Variants in SLC22A23 observed in about 807,000 individuals in gnomAD.
SLC22A23 encodes solute carrier family 22 member 23, also known as ion transporter protein.
A neutral mutation model predicts 61.0 loss-of-function variants in SLC22A23; 26 were observed. The observed-to-expected ratio is 0.43, with a 90% confidence interval of 0.31 to 0.59. The LOEUF (loss-of-function observed/expected upper bound fraction) is 0.59. Among genes scored for constraint, SLC22A23 ranks in the 20% least tolerant of loss-of-function variants. SLC22A23 has a pLI of 0.11. For missense variants in SLC22A23, 796 were observed against 934.7 expected, an observed-to-expected ratio of 0.85 and a Z score of 1.94; for synonymous variants, 430 against 413.9, an observed-to-expected ratio of 1.04 and a Z score of -0.47.
intron 3 of SLC22A23, among the ~76,000 whole-genome samples, chr6:3,357,327 C>T (rs1355949834): frequency 6.6e-6 from 1 of 152,202 alleles, no homozygotes; most frequent in South Asian, 2.1e-4. Context: ...ATTATCCAGA[C>T]AGCTTTCCTA....
chr6:3,450,557 G>A (rs1413241086), intron 1 of SLC22A23, among the ~76,000 whole-genome samples: 6 of 152,318 alleles, frequency 3.9e-5, no homozygotes, highest in Admixed American at 3.3e-4. Flanking sequence ...CGCCCGCCTC[G>A]GCCTCCCAAA....
At chr6:3,431,815 G>C (rs893411163) in intron 1 of SLC22A23, among the ~76,000 whole-genome samples, 8 of 152,184 alleles carry the variant, frequency 5.3e-5, no homozygotes, top group African/African-American at 1.9e-4. Context: ...GGACCACAAA[G>C]ACCGCCATTT....
At chr6:3,444,943 C>T in intron 1 of SLC22A23, 1 of 985,538 alleles carries the variant, frequency 1.0e-6, no homozygotes, top group Non-Finnish European at 1.2e-6. Flanking sequence ...TCAGACGACT[C>T]ATCCCGGTCG....
intron 4 of SLC22A23, among the ~76,000 whole-genome samples, chr6:3,319,435 C>G (rs1352267383): frequency 6.6e-6 from 1 of 152,184 alleles, no homozygotes; most frequent in Non-Finnish European, 1.5e-5. Flanking sequence ...CTACTTGGTA[C>G]GTAGCACTAT....
In SLC22A23 at chr6:3,340,102, C is replaced by T. The variant is rs55733276; in HGVS notation, c.914-16100G>A. Among the ~76,000 whole-genome samples the T allele has an allele frequency of 9.7e-3, 1,483 of 152,210 alleles. 29 individuals carry two copies. Among genetic ancestry groups the T allele is most frequent in the African/African-American group, 0.034 (1,423 of 41,514 alleles). ...GGGAGGTGCTTCCTAGCCCAGAGAG[C>T]GCTCCCACAAAAGCGGTATTATCCA... On this transcript the variant is annotated intron_variant, in intron 3 of 9. Transcript: ENST00000406686.
intron 3 of SLC22A23, among the ~76,000 whole-genome samples, chr6:3,340,345 C>T (rs1174865972): frequency 1.3e-5 from 2 of 152,214 alleles, no homozygotes; most frequent in Non-Finnish European, 2.9e-5. Context: ...GTCACATTCT[C>T]TCTAGGGCCT....
At chr6:3,310,159 A>G (rs1762267245) in intron 4 of SLC22A23, among the ~76,000 whole-genome samples, 3 of 152,010 alleles carry the variant, frequency 2.0e-5, no homozygotes, top group Admixed American at 2.0e-4. Flanking sequence ...TGTTTTCTTA[A>G]TACCATCACA....
intron 3 of SLC22A23, among the ~76,000 whole-genome samples, chr6:3,337,727 C>T (rs1763937170): frequency 6.6e-6 from 1 of 152,160 alleles, no homozygotes; most frequent in Non-Finnish European, 1.5e-5. Context: ...ACAGGCTGGG[C>T]TCGGCCTTGG....
intron 1 of SLC22A23, among the ~76,000 whole-genome samples, chr6:3,417,271 G>C (rs1010928343): frequency 6.6e-6 from 1 of 152,180 alleles, no homozygotes; most frequent in South Asian, 2.1e-4. Flanking sequence ...ACACAGGTAT[G>C]CTTTCCAGAG....
chr6:3,310,474 C>T (rs1299371709), intron 4 of SLC22A23, among the ~76,000 whole-genome samples: 1 of 150,952 alleles, frequency 6.6e-6, no homozygotes, highest in Non-Finnish European at 1.5e-5. Flanking sequence ...CGCAGGGTAA[C>T]TGATGATTTA....
rs1344852307 is a variant in SLC22A23, at chr6:3,280,683, G to C, written c.1703+3169C>G. Among the ~76,000 whole-genome samples, 11 of 151,762 alleles carry C rather than the reference G, an allele frequency of 7.2e-5. No individual in the cohort carries two copies. In the East Asian group the frequency reaches 1.9e-3, roughly 27 times the overall value. ...GCTAATTTTTTTTGTATTTTTAGTA[G>C]AGACGGGGTTTCATCGTGTTAGCCA... On this transcript the variant is annotated intron_variant, in intron 9 of 9. Coordinates refer to ENST00000406686, the MANE Select transcript of SLC22A23 (RefSeq NM_015482.2).
At chr6:3,389,794 G>A (rs2127485355) in intron 3 of SLC22A23, among the ~76,000 whole-genome samples, 1 of 152,362 alleles carries the variant, frequency 6.6e-6, no homozygotes, top group South Asian at 2.1e-4. Context: ...AGGCATAAGG[G>A]GAAAGGGAGC....
rs187102650 is a variant in SLC22A23 at position 3,323,529 on chromosome 6, G to T, written c.1082+305C>A. ...CTGCAATCCATTCATAAAAATTCAT[G>T]TCAGAATAACCCCGTGGGGTGGGTA... On this transcript the variant is annotated intron_variant, in intron 4 of 9. Transcript: ENST00000406686. 220 of 465,824 alleles carry T rather than the reference G, an allele frequency of 4.7e-4. No homozygotes were observed. The East Asian group carries it at 7.7e-3, about 16-fold the overall frequency. 28.9% of individuals were successfully genotyped at this position (465,824 alleles called of 1,614,324 possible).
chr6:3,390,803 G>C lies in SLC22A23; in HGVS notation c.913+19385C>G, dbSNP rs1767613502. ...TAAACATCAGTCTCAGGCCCTACAG[G>C]CTTCAATAATATGCTGCCTATCTGC... On this transcript the variant is annotated intron_variant, in intron 3 of 9. Transcript: ENST00000406686. This position sits in a 1 kb window ranked among gnomAD's most constrained non-coding sequence, Gnocchi z 4.0. Among the ~76,000 whole-genome samples, 1 of 152,128 alleles carries C rather than the reference G, an allele frequency of 6.6e-6. No homozygotes were observed. The highest frequency in any genetic ancestry group is 2.4e-5 in the African/African-American group (1 of 41,410).
Position 3,308,388 on chromosome 6 carries a change from C to T in SLC22A23, c.1083-10170G>A, listed in dbSNP as rs1762135367. On this transcript the variant is annotated intron_variant, in intron 4 of 9. Transcript: ENST00000406686. The surrounding 1 kb of genome is among the most constrained non-coding windows in gnomAD (Gnocchi z 5.1). Reference sequence around the variant, plus strand: ...TCTCCAGGTGCCGCCTCTGCTATGACACACTGCCCCCACATCACAGTGAAA... The same window carrying T: ...TCTCCAGGTGCCGCCTCTGCTATGATACACTGCCCCCACATCACAGTGAAA... Among the ~76,000 whole-genome samples, 1 of 152,180 alleles carries T rather than the reference C, an allele frequency of 6.6e-6. No individual in the cohort carries two copies. Among genetic ancestry groups the T allele is most frequent in the African/African-American group, 2.4e-5 (1 of 41,434 alleles).
chr6:3,341,869 A>G (rs945265761), intron 3 of SLC22A23, among the ~76,000 whole-genome samples: 5 of 152,206 alleles, frequency 3.3e-5, no homozygotes, highest in African/African-American at 1.2e-4. Context: ...TAAATCCTTT[A>G]AAAGAAAAGT....
intron 3 of SLC22A23, among the ~76,000 whole-genome samples, chr6:3,405,880 A>G (rs952313455): frequency 6.6e-6 from 1 of 152,144 alleles, no homozygotes; most frequent in African/African-American, 2.4e-5. Context: ...CTTGGCTTCT[A>G]TTTTTGCAAA....
At position 3,410,437 on chromosome 6, in the gene SLC22A23, G is replaced by A; in HGVS notation, c.759-95C>T. 2 of 1,302,686 alleles carry A rather than the reference G, an allele frequency of 1.5e-6. No individual in the cohort carries two copies. The highest frequency in any genetic ancestry group is 2.1e-6 in the Non-Finnish European group (2 of 956,444). 80.7% of individuals were successfully genotyped at this position (1,302,686 alleles called of 1,614,324 possible). ...GGTGTCCAGCAGGCACTCAATATATGTTGAATGAGTACTGGGTAAAAAGTC... is the reference window on the plus strand; with the variant it reads ...GGTGTCCAGCAGGCACTCAATATATATTGAATGAGTACTGGGTAAAAAGTC... On this transcript the variant is annotated intron_variant, in intron 2 of 9. Coordinates refer to ENST00000406686, the MANE Select transcript of SLC22A23 (RefSeq NM_015482.2). This position sits in a 1 kb window ranked among gnomAD's most constrained non-coding sequence, Gnocchi z 5.0.
intron 4 of SLC22A23, among the ~76,000 whole-genome samples, chr6:3,307,759 C>T (rs1312633004): frequency 6.6e-6 from 1 of 152,188 alleles, no homozygotes; most frequent in African/African-American, 2.4e-5. Flanking sequence ...ATTCCAGGGT[C>T]GGGTTTGGCT....
Sources: gnomAD v4.1 joint callset for allele counts (sites outside exome capture counted in the v4.1 genomes callset) on GRCh38, gnomAD v4.1.1 for gene constraint, Gnocchi (gnomAD v3.1) non-coding constraint, MANE v1.5 for transcripts, NCBI Gene and HGNC (gene_info 2026-07-23, HGNC 2026-07-21) for gene names.